Variants in HS3ST4 observed in about 807,000 individuals in gnomAD.
The protein encoded by HS3ST4 is heparan sulfate glucosamine 3-O-sulfotransferase 4.
A neutral mutation model predicts 29.2 loss-of-function variants in HS3ST4; 17 were observed. That is an observed-to-expected ratio of 0.58 (90% confidence interval 0.40 to 0.87). The LOEUF (loss-of-function observed/expected upper bound fraction) is 0.87, where lower values mean the gene tolerates loss of function less well. HS3ST4 is among the 40% of genes least tolerant of loss of function. HS3ST4 has a pLI of 0.00. For synonymous variants in HS3ST4, 314 were observed against 285.7 expected (o/e 1.10, Z -1.00); for missense variants, 627 against 634.5 (o/e 0.99, Z 0.13).
Position 26,024,189 on chromosome 16 carries a change from C to T in HS3ST4, c.735-111423C>T, listed in dbSNP as rs1483743134. 3.3e-5 allele frequency among the ~76,000 whole-genome samples: 5 copies of T among 149,956 alleles called. No individual in the cohort carries two copies. The East Asian group carries it at 9.9e-4, about 30-fold the overall frequency. ...AGTGAGCAGAGATCACACCACTGCA[C>T]TCCAGCCCAGGCAACAGAGAGAGAC... is the stretch of plus-strand genomic sequence containing the variant. On this transcript the variant is annotated intron_variant, in intron 1 of 1. Coordinates refer to ENST00000331351, the MANE Select transcript of HS3ST4 (RefSeq NM_006040.3).
In HS3ST4 at chr16:25,914,816, A is replaced by G. The variant is rs190927915; in HGVS notation, c.735-220796A>G. 7.6e-3 allele frequency among the ~76,000 whole-genome samples: 1,155 copies of G among 152,106 alleles called. 8 individuals carry two copies. Among genetic ancestry groups the G allele is most frequent in the Middle Eastern group, 0.027 (8 of 294 alleles). On this transcript the variant is annotated intron_variant, in intron 1 of 1. Transcript: ENST00000331351. The stretch of plus-strand genomic sequence containing the variant: ...GGATTCTCACCCCTCTGTGAGAAAC[A>G]GGGAGCCCTGGAGGCTCATGAAGGA...
At chr16:25,877,894 A>T (rs1200011812) in intron 1 of HS3ST4, among the ~76,000 whole-genome samples, 1 of 152,138 alleles carries the variant, frequency 6.6e-6, no homozygotes, top group African/African-American at 2.4e-5. Flanking sequence ...AGCACTGGAG[A>T]TGTGGTAATG....
At chr16:26,063,843 G>A (rs1054703561) in intron 1 of HS3ST4, among the ~76,000 whole-genome samples, 8 of 152,196 alleles carry the variant, frequency 5.3e-5, no homozygotes, top group African/African-American at 1.7e-4. Context: ...GACACAGAAT[G>A]TTGTTTGGAT....
intron 1 of HS3ST4, among the ~76,000 whole-genome samples, chr16:26,114,411 C>T: frequency 6.6e-6 from 1 of 152,120 alleles, no homozygotes; most frequent in East Asian, 1.9e-4. Flanking sequence ...CTGCCAGGGA[C>T]ACATTAGTTC....
intron 1 of HS3ST4, among the ~76,000 whole-genome samples, chr16:25,903,478 T>C (rs561389408): frequency 6.6e-5 from 10 of 151,874 alleles, no homozygotes; most frequent in African/African-American, 2.4e-4. Flanking sequence ...TAACAATATG[T>C]ATATTGATAT....
intron 1 of HS3ST4, among the ~76,000 whole-genome samples, chr16:25,970,496 A>G (rs1283628367): frequency 6.6e-6 from 1 of 151,952 alleles, no homozygotes; most frequent in African/African-American, 2.4e-5. Context: ...TCATTCACTC[A>G]TTCATCCATT....
At chr16:25,921,820 T>A (rs1322356658) in intron 1 of HS3ST4, among the ~76,000 whole-genome samples, 1 of 151,442 alleles carries the variant, frequency 6.6e-6, no homozygotes, top group African/African-American at 2.4e-5. Flanking sequence ...AGTGTCTCAA[T>A]CACAGCTCAC....
At chr16:25,974,640 T>G (rs1299245855) in intron 1 of HS3ST4, among the ~76,000 whole-genome samples, 2 of 152,172 alleles carry the variant, frequency 1.3e-5, no homozygotes, top group Admixed American at 1.3e-4. Context: ...ATGGAATGTA[T>G]CCTCCAAGGG....
At chr16:25,861,251 T>C (rs1967633584) in intron 1 of HS3ST4, among the ~76,000 whole-genome samples, 1 of 152,158 alleles carries the variant, frequency 6.6e-6, no homozygotes, top group South Asian at 2.1e-4. Context: ...TGGTGGCTTT[T>C]GATACAGGAG....
At chr16:25,960,250 C>T (rs953604841) in intron 1 of HS3ST4, among the ~76,000 whole-genome samples, 1 of 152,192 alleles carries the variant, frequency 6.6e-6, no homozygotes, top group Non-Finnish European at 1.5e-5. Flanking sequence ...TGAGGCCTTA[C>T]CGGAAGCTGA....
intron 1 of HS3ST4, among the ~76,000 whole-genome samples, chr16:25,870,243 C>A (rs908138931): frequency 6.6e-6 from 1 of 152,126 alleles, no homozygotes. Flanking sequence ...ATCTATCCAT[C>A]CATATATCCC....
chr16:25,994,279 A>T (rs1331898941), intron 1 of HS3ST4, among the ~76,000 whole-genome samples: 1 of 151,160 alleles, frequency 6.6e-6, no homozygotes, highest in Admixed American at 6.6e-5. Context: ...TTTCCTTACT[A>T]TTTGCTTCTC....
At chr16:25,852,456 AT>A (rs1402424853) in intron 1 of HS3ST4, among the ~76,000 whole-genome samples, 1 of 152,026 alleles carries the variant, frequency 6.6e-6, no homozygotes, top group Non-Finnish European at 1.5e-5. Flanking sequence ...ATTTAAATCC[AT>A]TTCCCTAATT....
At chr16:26,052,185 G>A (rs2141766179) in intron 1 of HS3ST4, among the ~76,000 whole-genome samples, 1 of 152,132 alleles carries the variant, frequency 6.6e-6, no homozygotes, top group Middle Eastern at 3.4e-3. Context: ...TCTAGACAGA[G>A]AGGCCTTGCT....
At position 25,958,174 on chromosome 16, in the gene HS3ST4, A is replaced by G. The variant is rs115958726; in HGVS notation, c.735-177438A>G. On this transcript the variant is annotated intron_variant, in intron 1 of 1. Transcript: ENST00000331351. ...GAGAGAAATATTGCAGCAATAATAA[A>G]TGTTCAGATAAATAACTGTTGTTAT... is the stretch of plus-strand genomic sequence containing the variant. Among the ~76,000 whole-genome samples the G allele has an allele frequency of 5.6e-3, 858 of 152,292 alleles. 7 individuals carry two copies. Among genetic ancestry groups the G allele is most frequent in the African/African-American group, 0.02 (827 of 41,556 alleles).
At chr16:25,716,673 G>C (rs1210471667) in intron 1 of HS3ST4, among the ~76,000 whole-genome samples, 2 of 152,216 alleles carry the variant, frequency 1.3e-5, no homozygotes, top group Admixed American at 6.5e-5. Context: ...CTCTGTTCCA[G>C]GCATCGTGCT....
At chr16:25,748,038 G>T (rs1966695558) in intron 1 of HS3ST4, among the ~76,000 whole-genome samples, 1 of 152,144 alleles carries the variant, frequency 6.6e-6, no homozygotes, top group South Asian at 2.1e-4. Context: ...GGTGGTGGTT[G>T]CAGGGAGGAA....
At chr16:26,086,143 A>T (rs1456919126) in intron 1 of HS3ST4, among the ~76,000 whole-genome samples, 4 of 151,856 alleles carry the variant, frequency 2.6e-5, no homozygotes, top group Non-Finnish European at 2.9e-5. Context: ...CAATTCACTC[A>T]TGTCCCTTGC....
intron 1 of HS3ST4, among the ~76,000 whole-genome samples, chr16:25,927,516 C>T (rs568264221): frequency 2.6e-5 from 4 of 152,246 alleles, no homozygotes; most frequent in South Asian, 2.1e-4. Flanking sequence ...GGAAAATTCC[C>T]GTGACAGCTT....
Sources: allele counts gnomAD v4.1 joint callset (sites outside exome capture counted in the v4.1 genomes callset), GRCh38; gene constraint gnomAD v4.1.1; transcripts MANE v1.5; gene names NCBI Gene and HGNC (gene_info 2026-07-23, HGNC 2026-07-21).